DPYD: variants seen among roughly 807,000 people sequenced by gnomAD.
The protein encoded by DPYD is dihydropyrimidine dehydrogenase.
DPYD carries 109 observed loss-of-function variants against 116.2 expected under a neutral mutation model. The observed-to-expected ratio is 0.94, with a 90% CI of 0.80 to 1.10. DPYD has a LOEUF of 1.10. DPYD is among the 50% of genes least tolerant of loss of function. The probability of loss-of-function intolerance (pLI) is 0.00; values close to 1 mark genes in which losing one functional copy is unlikely to be tolerated. For synonymous variants in DPYD, 440 were observed against 432.0 expected (o/e 1.02, Z -0.23); for missense variants, 1,302 against 1,254.5 (o/e 1.04, Z -0.57).
Position 97,527,262 on chromosome 1 carries a change from A to G in DPYD, c.1525-11321T>C, listed in dbSNP as rs182242594. On this transcript the variant is annotated intron_variant, in intron 12 of 22. Transcript: ENST00000370192. ...CCCAGCTAATTTTTGTATTTTTTGT[A>G]GAGACAGGGTTTCACCATGTTGGCC... Among the ~76,000 whole-genome samples, 445 of 152,128 alleles carry G rather than the reference A, an allele frequency of 2.9e-3. 2 individuals carry two copies. The highest frequency in any genetic ancestry group is 5.2e-3 in the Non-Finnish European group (353 of 67,996).
At chr1:97,081,131 A>T (rs1649120139) in intron 22 of DPYD, among the ~76,000 whole-genome samples, 1 of 72,674 alleles carries the variant, frequency 1.4e-5, no homozygotes, top group South Asian at 6.6e-4. Flanking sequence ...CTAGGAAGAA[A>T]AATTAATAGT....
intron 8 of DPYD, among the ~76,000 whole-genome samples, chr1:97,611,747 T>C (rs969911341): frequency 6.6e-6 from 1 of 152,012 alleles, no homozygotes; most frequent in Admixed American, 6.6e-5. Flanking sequence ...TACAGATTTT[T>C]TCATCTGCAA....
At chr1:97,635,225 T>C (rs879655447) in intron 8 of DPYD, among the ~76,000 whole-genome samples, 1 of 152,032 alleles carries the variant, frequency 6.6e-6, no homozygotes, top group Non-Finnish European at 1.5e-5. Flanking sequence ...TAGGGACCGA[T>C]ATATATGCCC....
intron 1 of DPYD, among the ~76,000 whole-genome samples, chr1:97,889,677 C>A (rs72979799): frequency 0.013 from 1,969 of 152,104 alleles, 44 homozygotes; most frequent in African/African-American, 0.044. Context: ...CAATACTCCA[C>A]ATTAAACAGT....
chr1:97,222,202 T>G (rs1369006581), intron 19 of DPYD, among the ~76,000 whole-genome samples: 3 of 152,088 alleles, frequency 2.0e-5, no homozygotes, highest in Non-Finnish European at 4.4e-5. Flanking sequence ...ATTAGTCACA[T>G]CTCTGCATAC....
intron 20 of DPYD, among the ~76,000 whole-genome samples, chr1:97,158,726 A>C (rs1001222087): frequency 2.6e-5 from 4 of 152,136 alleles, no homozygotes; most frequent in African/African-American, 9.6e-5. Context: ...AACATCTAGA[A>C]ACTGGGGAGA....
At chr1:97,851,582 T>C (rs1012907067) in intron 2 of DPYD, among the ~76,000 whole-genome samples, 15 of 151,938 alleles carry the variant, frequency 9.9e-5, no homozygotes, top group African/African-American at 3.6e-4. Context: ...CTCTACATAA[T>C]CATAACATTT....
intron 8 of DPYD, among the ~76,000 whole-genome samples, chr1:97,670,498 G>A: frequency 6.6e-6 from 1 of 152,180 alleles, no homozygotes; most frequent in East Asian, 1.9e-4. Context: ...ACAGGGAGAA[G>A]GCAGACATCT....
chr1:97,566,168 C>T (rs76901112), intron 11 of DPYD, among the ~76,000 whole-genome samples: 16,842 of 152,100 alleles, frequency 0.11, 1,347 homozygotes, highest in South Asian at 0.16. Context: ...TGTGCTTCCT[C>T]GGGAATCTAA....
intron 20 of DPYD, among the ~76,000 whole-genome samples, chr1:97,140,251 G>A (rs1210791293): frequency 6.6e-6 from 1 of 152,182 alleles, no homozygotes; most frequent in Non-Finnish European, 1.5e-5. Context: ...CCTGATAGTA[G>A]GGCCAGTAGA....
At chr1:97,772,770 A>G (rs1666209775) in intron 3 of DPYD, among the ~76,000 whole-genome samples, 1 of 152,206 alleles carries the variant, frequency 6.6e-6, no homozygotes, top group Non-Finnish European at 1.5e-5. Flanking sequence ...AAACATATAC[A>G]TGAGGGAACA....
chr1:97,802,088 T>C (rs1322027754), intron 3 of DPYD, among the ~76,000 whole-genome samples: 1 of 151,752 alleles, frequency 6.6e-6, no homozygotes, highest in Non-Finnish European at 1.5e-5. Flanking sequence ...GAAGCCAGAT[T>C]GTAGTGGGTT....
chr1:97,848,616 A>T (rs897263034), intron 2 of DPYD, among the ~76,000 whole-genome samples: 2 of 152,206 alleles, frequency 1.3e-5, no homozygotes, highest in Admixed American at 1.3e-4. Flanking sequence ...AAGCACAATT[A>T]TTATATACAA....
At chr1:97,594,365 T>C (rs1361392631) in intron 9 of DPYD, among the ~76,000 whole-genome samples, 1 of 152,196 alleles carries the variant, frequency 6.6e-6, no homozygotes, top group Non-Finnish European at 1.5e-5. Context: ...CATCTTTAGC[T>C]GTAAACTTCT....
At chr1:97,712,933 G>A (rs528525516) in intron 5 of DPYD, among the ~76,000 whole-genome samples, 11 of 152,054 alleles carry the variant, frequency 7.2e-5, no homozygotes, top group African/African-American at 2.7e-4. Flanking sequence ...GATGTTTTTG[G>A]CACTTAAGTT....
At chr1:97,844,273 G>A (rs762287653) in intron 2 of DPYD, among the ~76,000 whole-genome samples, 12 of 152,150 alleles carry the variant, frequency 7.9e-5, no homozygotes, top group Middle Eastern at 3.2e-3. Context: ...GCTCCTATAA[G>A]CTTTGTAATC....
intron 19 of DPYD, among the ~76,000 whole-genome samples, chr1:97,199,076 A>T (rs1013159330): frequency 6.6e-6 from 1 of 152,144 alleles, no homozygotes; most frequent in Non-Finnish European, 1.5e-5. Flanking sequence ...GGTTGTGGGG[A>T]GCTATTCTTT....
intron 11 of DPYD, among the ~76,000 whole-genome samples, chr1:97,556,129 C>A (rs115465620): frequency 0.011 from 1,692 of 152,236 alleles, 29 homozygotes; most frequent in African/African-American, 0.039. Flanking sequence ...CAGGGTCATG[C>A]AAAGGCAAAG....
intron 20 of DPYD, among the ~76,000 whole-genome samples, chr1:97,147,817 T>C (rs1024717480): frequency 3.9e-5 from 6 of 152,170 alleles, no homozygotes; most frequent in African/African-American, 1.4e-4. Flanking sequence ...GAGCGAGTAA[T>C]AGCTCTCTTT....
Sources: gnomAD v4.1 joint callset for allele counts (sites outside exome capture counted in the v4.1 genomes callset) on GRCh38, gnomAD v4.1.1 for gene constraint, MANE v1.5 for transcripts, NCBI Gene and HGNC (gene_info 2026-07-23, HGNC 2026-07-21) for gene names.